TRAP1: variants seen among roughly 807,000 people sequenced by gnomAD.
TRAP1 encodes heat shock protein 75 kDa, mitochondrial.
In TRAP1, 102 loss-of-function variants were observed where a neutral mutation model predicts 89.1. That is an observed-to-expected ratio of 1.15 (90% CI 0.98 to 1.35). The LOEUF (loss-of-function observed/expected upper bound fraction) is 1.35. Ranked by LOEUF, TRAP1 falls within the 40% of genes most tolerant of loss-of-function variation. The pLI, the probability that TRAP1 is intolerant of heterozygous loss-of-function variation, is 0.00. For missense variants in TRAP1, 1,256 were observed against 945.3 expected (o/e 1.33, Z -4.31); for synonymous variants, 508 against 388.0 (o/e 1.31, Z -3.64).
chr16:3,701,627 G>A (rs1211652933), intron 1 of TRAP1, among the ~76,000 whole-genome samples: 1 of 151,768 alleles, frequency 6.6e-6, no homozygotes, highest in African/African-American at 2.4e-5. Context: ...ATTTCACAGT[G>A]GCTACAGAAA....
intron 1 of TRAP1, among the ~76,000 whole-genome samples, chr16:3,708,145 C>G (rs117986043): frequency 0.011 from 1,649 of 152,090 alleles, 20 homozygotes; most frequent in Non-Finnish European, 0.018. Context: ...CTGCAGCGAG[C>G]CAGGATCGCA....
At position 3,658,180 on chromosome 16, in the gene TRAP1, G is replaced by A. The variant is rs765896737; in HGVS notation, c.2064C>T (p.Ala688=). 2.5e-6 allele frequency: 4 copies of A among 1,614,088 alleles called. No individual in the cohort carries two copies. In the East Asian group the frequency reaches 6.7e-5, roughly 27 times the overall value. Residue 688 remains alanine (A), a synonymous_variant, in exon 18 of 18, where the codon GCC becomes GCT. Transcript: ENST00000246957. ...IAAGLVDDPR[A]MVGRLNELLV... ...GCAGCTCATTCAAGCGGCCCACCAT[G>A]GCCCTAGGGTCGTCAACAAGTCCAG...
chr16:3,675,008 G>A (rs2050969537), intron 8 of TRAP1: 1 of 374,526 alleles, frequency 2.7e-6, no homozygotes, highest in Non-Finnish European at 4.9e-6. Flanking sequence ...GGATGTTCTG[G>A]AATTGATGCG....
At chr16:3,717,331 G>A in intron 1 of TRAP1, 90 bp downstream of exon 1, 1 of 463,074 alleles carries the variant, frequency 2.2e-6, no homozygotes, top group Non-Finnish European at 3.4e-6. Flanking sequence ...TGAAGCAGGT[G>A]CCGGCGCCTC....
chr16:3,676,012 G>A (rs2050987630), intron 7 of TRAP1, 24 bp downstream of exon 7: 3 of 1,597,210 alleles, frequency 1.9e-6, no homozygotes, highest in African/African-American at 1.3e-5. Context: ...CCCAGAGTGA[G>A]CCTGGGCCCG....
chr16:3,675,312 C>T lies in TRAP1; in HGVS notation c.888+12G>A. 1 of 1,613,686 alleles carries T rather than the reference C, an allele frequency of 6.2e-7. No homozygotes were observed. Among genetic ancestry groups the T allele is most frequent in the Non-Finnish European group, 8.5e-7 (1 of 1,179,604 alleles). On this transcript the variant is annotated intron_variant, in intron 8 of 17. Transcript: ENST00000246957. ...CATGTTTGACCAGTCCCTAGAGGAACTCAGGGCTCACCTGCAAGGTGTTCA... is the reference window on the plus strand; with the variant it reads ...CATGTTTGACCAGTCCCTAGAGGAATTCAGGGCTCACCTGCAAGGTGTTCA...
In TRAP1 at chr16:3,690,865, G is replaced by T. The variant is rs1294575275; in HGVS notation, c.209C>A (p.Pro70His). Residue 70 changes from proline to histidine, a missense_variant, in exon 2 of 18, where the codon CCC becomes CAC. Physicochemically the swap from Pro to His is moderately conservative, Grantham distance 77. Coordinates refer to ENST00000246957, the MANE Select transcript of TRAP1 (RefSeq NM_016292.3). ...STQTAEDKEE[P>H]LHSIISSTES... ...TGTGCTGCTGATAATCGAGTGCAGGGGTTCCTCCTTGTCCTCGGCGGTCTG... is the reference window on the plus strand; with the variant it reads ...TGTGCTGCTGATAATCGAGTGCAGGTGTTCCTCCTTGTCCTCGGCGGTCTG... 1 of 1,576,114 alleles carries T rather than the reference G, an allele frequency of 6.3e-7. No individual in the cohort carries two copies. Among genetic ancestry groups the T allele is most frequent in the Non-Finnish European group, 8.6e-7 (1 of 1,161,118 alleles).
intron 1 of TRAP1, among the ~76,000 whole-genome samples, chr16:3,695,514 C>T (rs535034939): frequency 2.0e-4 from 27 of 138,428 alleles, no homozygotes; most frequent in Admixed American, 7.0e-4. Flanking sequence ...CCAGACTTGG[C>T]GACAGAGTGA....
intron 1 of TRAP1, among the ~76,000 whole-genome samples, chr16:3,706,623 C>G (rs143146069): frequency 6.6e-6 from 1 of 151,880 alleles, no homozygotes; most frequent in Non-Finnish European, 1.5e-5. Flanking sequence ...CCACACCCAG[C>G]AATTTTTAAA....
intron 1 of TRAP1, among the ~76,000 whole-genome samples, chr16:3,696,704 T>C (rs929852129): frequency 6.6e-6 from 1 of 151,624 alleles, no homozygotes; most frequent in Non-Finnish European, 1.5e-5. Flanking sequence ...CTATAGGCCG[T>C]GTATTACCAC....
At chr16:3,672,555 C>T (rs979716081) in intron 10 of TRAP1, 145 bp downstream of exon 10, 58 of 1,318,092 alleles carry the variant, frequency 4.4e-5, no homozygotes, top group East Asian at 2.8e-4. Context: ...GGTCTGTAAA[C>T]GCGACTGACA....
chr16:3,658,687 A>C, intron 17 of TRAP1, 106 bp downstream of exon 17: 1 of 1,160,148 alleles, frequency 8.6e-7, no homozygotes, highest in African/African-American at 1.6e-5. Flanking sequence ...ACAAACAAAC[A>C]AACAAAAAGA....
intron 5 of TRAP1, among the ~76,000 whole-genome samples, chr16:3,679,509 G>C (rs766151312): frequency 6.6e-6 from 1 of 152,064 alleles, no homozygotes; most frequent in Admixed American, 6.6e-5. Context: ...CTATCCAAGG[G>C]GGGTCCTGAA....
At chr16:3,679,055 C>A (rs2151259703) in intron 5 of TRAP1, among the ~76,000 whole-genome samples, 1 of 152,246 alleles carries the variant, frequency 6.6e-6, no homozygotes, top group Non-Finnish European at 1.5e-5. Flanking sequence ...TAGTGACGTG[C>A]ACCTGTAGTC....
At chr16:3,710,873 A>ATTT (rs199927286) in intron 1 of TRAP1, among the ~76,000 whole-genome samples, 7 of 106,064 alleles carry the variant, frequency 6.6e-5, no homozygotes, top group African/African-American at 2.9e-4. Flanking sequence ...ATATATATAT[A>ATTT]TATATATTTT....
chr16:3,687,745 G>A (rs983182333), intron 3 of TRAP1, among the ~76,000 whole-genome samples: 10 of 151,986 alleles, frequency 6.6e-5, no homozygotes, highest in African/African-American at 2.4e-4. Context: ...ATCAGCCAGA[G>A]GCTGAGGAGG....
chr16:3,669,689 C>T (rs2050884550), intron 11 of TRAP1, among the ~76,000 whole-genome samples: 1 of 151,748 alleles, frequency 6.6e-6, no homozygotes, highest in Admixed American at 6.6e-5. Flanking sequence ...AAAAAATTAG[C>T]TGGGCGTGGT....
chr16:3,678,775 T>C (rs554337992), intron 5 of TRAP1, among the ~76,000 whole-genome samples: 1 of 152,328 alleles, frequency 6.6e-6, no homozygotes, highest in East Asian at 1.9e-4. Context: ...GTTTTCATCT[T>C]ACAGATGAGG....
At chr16:3,684,564 C>T (rs908142367) in intron 4 of TRAP1, among the ~76,000 whole-genome samples, 94 of 152,250 alleles carry the variant, frequency 6.2e-4, no homozygotes, top group African/African-American at 2.2e-3. Context: ...CCAAGGCGGG[C>T]AGATCACTTG....
Sources: allele counts gnomAD v4.1 joint callset (sites outside exome capture counted in the v4.1 genomes callset), GRCh38; gene constraint gnomAD v4.1.1; transcripts MANE v1.5; gene names NCBI Gene and HGNC (gene_info 2026-07-23, HGNC 2026-07-21).